The following COL4A1 variants were observed in gnomAD, a reference collection of about 807,000 sequenced individuals.
The protein encoded by COL4A1 is collagen alpha-1(IV) chain.
Under a neutral mutation model 216.6 loss-of-function variants are expected in COL4A1, and 40 were observed. The ratio of observed to expected loss-of-function variants is 0.18; its 90% confidence interval spans 0.14 to 0.24. The LOEUF is 0.24. COL4A1 is among the 10% of genes least tolerant of loss of function. The pLI is 1.00. For missense variants in COL4A1, 1,628 were observed against 2,196.8 expected, an observed-to-expected ratio of 0.74 and a Z score of 5.18; for synonymous variants, 839 against 810.7, an observed-to-expected ratio of 1.03 and a Z score of -0.59.
rs368912072 is a variant in COL4A1, at chr13:110,170,704, T to C, written c.3585A>G (p.Gly1195=). Reference sequence around the variant, plus strand: ...CAGGAATTCCTGGGCTCCCGGCTAATCCTGGGAAACCCACCTCACCCTTTG... The same window carrying C: ...CAGGAATTCCTGGGCTCCCGGCTAACCCTGGGAAACCCACCTCACCCTTTG... The part of the protein sequence containing the change: ...KGSKGEVGFP[G]LAGSPGIPGS... The change falls in exon 42 of 52, where the codon GGA becomes GGG. Residue 1195 remains glycine (G), a synonymous_variant. Coordinates refer to ENST00000375820, the MANE Select transcript of COL4A1 (RefSeq NM_001845.6). 8.1e-6 allele frequency: 13 copies of C among 1,614,086 alleles called. No individual in the cohort carries two copies. The highest frequency in any genetic ancestry group is 1.1e-5 in the Non-Finnish European group (13 of 1,180,054).
chr13:110,287,362 T>A (rs1393712807), intron 1 of COL4A1, among the ~76,000 whole-genome samples: 3 of 152,194 alleles, frequency 2.0e-5, no homozygotes, highest in Non-Finnish European at 4.4e-5. Context: ...TGCACACAGC[T>A]GCAAATCTAA....
intron 49 of COL4A1, among the ~76,000 whole-genome samples, chr13:110,158,706 T>C (rs1386412560): frequency 1.3e-5 from 2 of 152,022 alleles, no homozygotes; most frequent in Non-Finnish European, 2.9e-5. Context: ...CTGGCCACTT[T>C]CCTATTATTT....
chr13:110,196,782 A>G (rs1878911486), intron 21 of COL4A1, among the ~76,000 whole-genome samples: 2 of 152,214 alleles, frequency 1.3e-5, no homozygotes, highest in African/African-American at 2.4e-5. Context: ...TTGAGACAAG[A>G]ATGCAGTGGC....
At chr13:110,271,211 G>A (rs917362612) in intron 1 of COL4A1, among the ~76,000 whole-genome samples, 7 of 152,190 alleles carry the variant, frequency 4.6e-5, no homozygotes, top group Admixed American at 1.3e-4. Context: ...TGGAGACAGC[G>A]GCGCCAACCA....
intron 49 of COL4A1, among the ~76,000 whole-genome samples, chr13:110,156,368 A>T (rs1204588296): frequency 6.6e-6 from 1 of 152,254 alleles, no homozygotes; most frequent in African/African-American, 2.4e-5. Flanking sequence ...GCACTTAGTG[A>T]GTTGAGTAAC....
chr13:110,198,498 G>A lies in COL4A1; in HGVS notation c.1254C>T (p.Ser418=), dbSNP rs757511099. 7 of 1,613,900 alleles carry A rather than the reference G, an allele frequency of 4.3e-6. No homozygotes were observed. The highest frequency in any genetic ancestry group is 5.1e-6 in the Non-Finnish European group (6 of 1,179,968). The stretch of plus-strand genomic sequence containing the variant: ...AGCCAGGCTGCCCAGGGGGCCCAGG[G>A]GAACCAGGAGGACCCGGGAGCCCAT... The part of the protein sequence containing the change: ...GRDGLPGPPG[S]PGPPGQPGYT... The change falls in exon 21 of 52, where the codon TCC becomes TCT. Residue 418 remains serine, a synonymous_variant. Coordinates refer to ENST00000375820, the MANE Select transcript of COL4A1 (RefSeq NM_001845.6).
chr13:110,236,335 A>AGAT (rs1444161854), intron 2 of COL4A1, among the ~76,000 whole-genome samples: 2 of 152,248 alleles, frequency 1.3e-5, no homozygotes, highest in Non-Finnish European at 1.5e-5. Context: ...TATTCCTTAC[A>AGAT]GATAATATTT....
intron 1 of COL4A1, among the ~76,000 whole-genome samples, chr13:110,245,991 T>C (rs1000668511): frequency 6.6e-6 from 1 of 152,296 alleles, no homozygotes; most frequent in Non-Finnish European, 1.5e-5. Context: ...TGCATGGCTT[T>C]ATGTGTGTAG....
chr13:110,163,454 G>C lies in COL4A1; in HGVS notation c.4249+9C>G, dbSNP rs186028417. The C allele has an allele frequency of 2.5e-6, 4 of 1,613,612 alleles. No homozygotes were observed. In the South Asian group the frequency reaches 3.3e-5, roughly 13 times the overall value. Reference sequence around the variant, plus strand: ...CAAGGGTAATTACGTTGGAAGTTTCGCAACCTACCAGTAGGCCCGGCAGGT... The same window carrying C: ...CAAGGGTAATTACGTTGGAAGTTTCCCAACCTACCAGTAGGCCCGGCAGGT... On this transcript the variant is annotated intron_variant, in intron 47 of 51. Transcript: ENST00000375820.
chr13:110,205,599 A>G (rs1486952389), intron 15 of COL4A1, 61 bp from the exon 16 acceptor site: 1 of 1,576,622 alleles, frequency 6.3e-7, no homozygotes, highest in African/African-American at 1.4e-5. Context: ...GCGGTGGCTC[A>G]TGCCTGTAAT....
intron 1 of COL4A1, among the ~76,000 whole-genome samples, chr13:110,273,437 T>C (rs1201422084): frequency 6.6e-6 from 1 of 152,190 alleles, no homozygotes; most frequent in Non-Finnish European, 1.5e-5. Flanking sequence ...CTCATTCCAC[T>C]TGTGACAACT....
chr13:110,243,051 T>G (rs1185537599), intron 1 of COL4A1, among the ~76,000 whole-genome samples: 1 of 152,206 alleles, frequency 6.6e-6, no homozygotes, highest in Non-Finnish European at 1.5e-5. Flanking sequence ...CCCTCGGGGA[T>G]TAGTTTAACA....
Position 110,207,908 on chromosome 13 carries a change from C to T in COL4A1, c.694-419G>A, listed in dbSNP as rs527837385. Among the ~76,000 whole-genome samples, 10 of 151,716 alleles carry T rather than the reference C, an allele frequency of 6.6e-5. No individual in the cohort carries two copies. Among genetic ancestry groups the T allele is most frequent in the South Asian group, 2.1e-4 (1 of 4,800 alleles). On this transcript the variant is annotated intron_variant, in intron 12 of 51. Transcript: ENST00000375820. This position sits in a 1 kb window ranked among gnomAD's most constrained non-coding sequence, Gnocchi z 4.4. ...GACAACCATCAAGAGTCTCCCTCCT[C>T]GGGCATCCTAACTGCCGGGTACGCC...
chr13:110,197,202 C>A (rs1163622917), intron 21 of COL4A1, among the ~76,000 whole-genome samples: 11 of 149,694 alleles, frequency 7.3e-5, no homozygotes, highest in Admixed American at 6.7e-4. Context: ...AAACCACAAT[C>A]CCCTGCCCAC....
chr13:110,151,641 G>T (rs1432191578), intron 51 of COL4A1, among the ~76,000 whole-genome samples: 2 of 152,196 alleles, frequency 1.3e-5, no homozygotes, highest in Admixed American at 1.3e-4. Flanking sequence ...GCTTGTTTTG[G>T]AAATGAACAG....
chr13:110,207,466 A>G lies in COL4A1; in HGVS notation c.717T>C (p.Pro239=). Residue 239 remains proline (P), a synonymous_variant, in exon 13 of 52, where the codon CCT becomes CCC. Transcript: ENST00000375820. This position sits in a 1 kb window ranked among gnomAD's most constrained non-coding sequence, Gnocchi z 4.4. The stretch of plus-strand genomic sequence containing the variant: ...CTTGAGCTTGTCCTGGTACTCCTGG[A>G]GGCCCACTGACCCCTTGGTCACCCT... The part of the protein sequence containing the change: ...GDKGDQGVSG[P]PGVPGQAQVQ... The G allele has an allele frequency of 6.2e-7, 1 of 1,614,146 alleles. No individual in the cohort carries two copies. Among genetic ancestry groups the G allele is most frequent in the Non-Finnish European group, 8.5e-7 (1 of 1,180,024 alleles).
intron 49 of COL4A1, among the ~76,000 whole-genome samples, chr13:110,158,329 C>T (rs1278965787): frequency 6.6e-6 from 1 of 152,270 alleles, no homozygotes; most frequent in Non-Finnish European, 1.5e-5. Context: ...TTCCAGCCCT[C>T]TGGTCCATGG....
At position 110,203,489 on chromosome 13, in the gene COL4A1, A is replaced by G. The variant is rs377254929; in HGVS notation, c.999+77T>C. 6.5e-6 allele frequency: 10 copies of G among 1,527,174 alleles called. No homozygotes were observed. The African/African-American group carries it at 1.4e-4, about 21-fold the overall frequency. 94.6% of individuals were successfully genotyped at this position (1,527,174 alleles called of 1,614,324 possible). ...CCAGGGTCCTCTCCTTCCTCCCCCC[A>G]GTGCTCTCACAGACCCAGGGTCCTC... is the stretch of plus-strand genomic sequence containing the variant. On this transcript the variant is annotated intron_variant, in intron 18 of 51. Coordinates refer to ENST00000375820, the MANE Select transcript of COL4A1 (RefSeq NM_001845.6).
At position 110,217,065 on chromosome 13, in the gene COL4A1, AT is replaced by A. The variant is rs1207255004; in HGVS notation, c.145-3051del. On this transcript the variant is annotated intron_variant, in intron 2 of 51. Coordinates refer to ENST00000375820, the MANE Select transcript of COL4A1 (RefSeq NM_001845.6). ...ACATGGTTCTTGCCATTCCCCACAT[AT>A]TTTTTTAACGTTCTTAATCTTTTGT... Among the ~76,000 whole-genome samples the A allele has an allele frequency of 1.2e-4, 18 of 152,228 alleles. No homozygotes were observed. In the East Asian group the frequency reaches 3.3e-3, roughly 28 times the overall value.
Sources: allele counts gnomAD v4.1 joint callset (sites outside exome capture counted in the v4.1 genomes callset), GRCh38; gene constraint gnomAD v4.1.1; non-coding constraint Gnocchi (gnomAD v3.1); transcripts MANE v1.5; gene names NCBI Gene and HGNC (gene_info 2026-07-23, HGNC 2026-07-21).